NRG3: variants seen among roughly 807,000 people sequenced by gnomAD.
NRG3 encodes neuregulin 3.
NRG3 carries 31 observed loss-of-function variants against 66.9 expected under a neutral mutation model. That is an observed-to-expected ratio of 0.46 (90% CI 0.35 to 0.63). The LOEUF (loss-of-function observed/expected upper bound fraction) is 0.63, where lower values mean the gene tolerates loss of function less well. NRG3 is among the 20% of genes least tolerant of loss of function. The probability of loss-of-function intolerance (pLI) is 0.00; values close to 1 mark genes in which losing one functional copy is unlikely to be tolerated. For synonymous variants in NRG3, 393 were observed against 359.4 expected, an observed-to-expected ratio of 1.09 and a Z score of -1.06; for missense variants, 910 against 878.9, an observed-to-expected ratio of 1.04 and a Z score of -0.45.
At chr10:81,918,551 GCT>G (rs1289920195) in intron 1 of NRG3, among the ~76,000 whole-genome samples, 1 of 152,012 alleles carries the variant, frequency 6.6e-6, no homozygotes, top group Non-Finnish European at 1.5e-5. Context: ...TATTTTATAT[GCT>G]CTGTTTAGCA....
intron 1 of NRG3, among the ~76,000 whole-genome samples, chr10:82,035,415 G>C (rs959768941): frequency 5.3e-5 from 8 of 152,054 alleles, no homozygotes; most frequent in East Asian, 3.9e-4. Context: ...GAGCATCTTT[G>C]GCCATGCACT....
intron 1 of NRG3, among the ~76,000 whole-genome samples, chr10:82,110,254 T>G (rs1337979616): frequency 2.0e-5 from 3 of 152,096 alleles, no homozygotes; most frequent in African/African-American, 7.2e-5. Context: ...TAAAAAATCC[T>G]TTGGATGAGA....
chr10:82,164,331 TG>T (rs947137655), intron 1 of NRG3, among the ~76,000 whole-genome samples: 1 of 152,214 alleles, frequency 6.6e-6, no homozygotes, highest in Admixed American at 6.5e-5. Context: ...ATTCATCACC[TG>T]GAGTATTTAT....
intron 2 of NRG3, among the ~76,000 whole-genome samples, chr10:82,472,249 G>T (rs921466517): frequency 6.6e-6 from 1 of 152,150 alleles, no homozygotes; most frequent in Non-Finnish European, 1.5e-5. Flanking sequence ...TTCGAAATAG[G>T]TTTTGTATGG....
chr10:82,793,322 T>G (rs982650537), intron 3 of NRG3, among the ~76,000 whole-genome samples: 1 of 152,178 alleles, frequency 6.6e-6, no homozygotes, highest in Non-Finnish European at 1.5e-5. Context: ...TACCATTTCT[T>G]GGCTCACATT....
chr10:82,877,067 G>T (rs1421301463), intron 4 of NRG3, among the ~76,000 whole-genome samples: 1 of 151,688 alleles, frequency 6.6e-6, no homozygotes, highest in Non-Finnish European at 1.5e-5. Flanking sequence ...AGAGTTATCA[G>T]AGAAGTTAAA....
intron 4 of NRG3, among the ~76,000 whole-genome samples, chr10:82,885,875 GTAT>G (rs987231543): frequency 1.4e-5 from 2 of 143,902 alleles, no homozygotes; most frequent in African/African-American, 5.2e-5. Flanking sequence ...TTTTTTTTTT[GTAT>G]TATTATTTTT....
At chr10:82,927,395 A>T (rs2132123411) in intron 4 of NRG3, among the ~76,000 whole-genome samples, 1 of 152,316 alleles carries the variant, frequency 6.6e-6, no homozygotes, top group African/African-American at 2.4e-5. Context: ...ATACATGTGT[A>T]GAACATGCAG....
intron 1 of NRG3, among the ~76,000 whole-genome samples, chr10:82,151,549 G>C (rs2132791989): frequency 6.6e-6 from 1 of 152,184 alleles, no homozygotes; most frequent in Admixed American, 6.5e-5. Flanking sequence ...TATTCATCCT[G>C]TTTCTGCCTT....
chr10:82,972,604 T>C (rs1029518418), intron 6 of NRG3, among the ~76,000 whole-genome samples: 1 of 152,178 alleles, frequency 6.6e-6, no homozygotes, highest in Non-Finnish European at 1.5e-5. Flanking sequence ...AAATGGTACT[T>C]AGGGTGGAAT....
intron 3 of NRG3, among the ~76,000 whole-genome samples, chr10:82,816,810 C>T (rs2061727870): frequency 6.6e-6 from 1 of 152,186 alleles, no homozygotes; most frequent in Non-Finnish European, 1.5e-5. Context: ...AGCACGCAGC[C>T]CCAGCCATGC....
intron 2 of NRG3, among the ~76,000 whole-genome samples, chr10:82,712,941 G>T (rs910284894): frequency 2.6e-5 from 4 of 151,880 alleles, no homozygotes; most frequent in African/African-American, 9.7e-5. Context: ...CCAGCATGAT[G>T]AAACTTCATT....
intron 2 of NRG3, among the ~76,000 whole-genome samples, chr10:82,360,916 A>T (rs755856035): frequency 3.3e-5 from 5 of 152,134 alleles, no homozygotes; most frequent in Non-Finnish European, 5.9e-5. Flanking sequence ...TTTCCTCTGT[A>T]GGTGTGTGTG....
At chr10:82,231,647 A>G (rs61862999) in intron 1 of NRG3, among the ~76,000 whole-genome samples, 37,227 of 152,188 alleles carry the variant, frequency 0.24, 6,139 homozygotes, top group Non-Finnish European at 0.36. Context: ...ACATAGACTC[A>G]CATTCCATAA....
At chr10:82,917,994 G>A (rs7084797) in intron 4 of NRG3, among the ~76,000 whole-genome samples, 50,347 of 104,606 alleles carry the variant, frequency 0.48, 11,260 homozygotes, top group African/African-American at 0.61. Context: ...ATATATATAT[G>A]TATGTATGTA....
chr10:82,471,938 A>G (rs904041992), intron 2 of NRG3, among the ~76,000 whole-genome samples: 9 of 152,174 alleles, frequency 5.9e-5, no homozygotes, highest in African/African-American at 2.2e-4. Context: ...TTTGGAGCCA[A>G]ATTATAATTG....
At chr10:82,101,756 A>G (rs2066735003) in intron 1 of NRG3, among the ~76,000 whole-genome samples, 1 of 147,588 alleles carries the variant, frequency 6.8e-6, no homozygotes, top group South Asian at 2.2e-4. Context: ...GAAAGGGTCT[A>G]TCTTGGAGAA....
rs1349940899 is a variant in NRG3 at position 82,810,737 on chromosome 10, T to C, written c.1028-54674T>C. 5.7e-5 allele frequency among the ~76,000 whole-genome samples: 4 copies of C among 70,016 alleles called. No homozygotes were observed. In the South Asian group the frequency reaches 2.2e-3, roughly 39 times the overall value. 45.9% of individuals were successfully genotyped at this position (70,016 alleles called of 152,430 possible). On this transcript the variant is annotated intron_variant, in intron 3 of 8. Transcript: ENST00000372141. ...AAGATCGCACCACTGCACTCCAGCCTAAAAAAAAAAAAAAAAAAAAGAAGA... is the reference window on the plus strand; with the variant it reads ...AAGATCGCACCACTGCACTCCAGCCCAAAAAAAAAAAAAAAAAAAAGAAGA...
intron 1 of NRG3, among the ~76,000 whole-genome samples, chr10:82,117,096 G>T (rs533653306): frequency 2.6e-5 from 4 of 152,068 alleles, no homozygotes; most frequent in African/African-American, 9.7e-5. Flanking sequence ...TTAGATGGCC[G>T]ATAGCCACCT....
Sources: gnomAD v4.1 joint callset for allele counts (sites outside exome capture counted in the v4.1 genomes callset) on GRCh38, gnomAD v4.1.1 for gene constraint, MANE v1.5 for transcripts, NCBI Gene and HGNC (gene_info 2026-07-23, HGNC 2026-07-21) for gene names.